Variants in CCSER1 observed in about 807,000 individuals in gnomAD.
CCSER1 encodes the protein serine-rich coiled-coil domain-containing protein 1.
CCSER1 carries 41 observed loss-of-function variants against 82.0 expected under a neutral mutation model. That is an observed-to-expected ratio of 0.50 (90% CI 0.39 to 0.65). CCSER1 has a LOEUF of 0.65. CCSER1 is among the 30% of genes least tolerant of loss of function. The pLI is 0.00. For synonymous variants in CCSER1, 414 were observed against 383.9 expected (o/e 1.08, Z -0.92); for missense variants, 1,119 against 1,064.2 (o/e 1.05, Z -0.72).
chr4:90,851,753 G>A (rs768855748), intron 8 of CCSER1, among the ~76,000 whole-genome samples: 1 of 151,978 alleles, frequency 6.6e-6, no homozygotes. Flanking sequence ...TTTAACTGTG[G>A]ACACTGTAAA....
At chr4:91,169,249 G>A (rs1033690306) in intron 10 of CCSER1, among the ~76,000 whole-genome samples, 40 of 147,524 alleles carry the variant, frequency 2.7e-4, no homozygotes, top group Admixed American at 1.4e-4. Context: ...GTTGTTGCTA[G>A]CCCAATCCAC....
intron 3 of CCSER1, among the ~76,000 whole-genome samples, chr4:90,384,871 A>C (rs774048183): frequency 1.3e-5 from 2 of 152,144 alleles, no homozygotes; most frequent in Non-Finnish European, 2.9e-5. Flanking sequence ...ATAATTCTTC[A>C]AATCTCACTC....
intron 3 of CCSER1, among the ~76,000 whole-genome samples, chr4:90,321,253 A>C (rs919459991): frequency 2.6e-5 from 4 of 152,006 alleles, no homozygotes; most frequent in Admixed American, 1.3e-4. Context: ...TCTATTCTGT[A>C]TTTCTGTGAC....
chr4:90,493,736 C>G (rs376418025), intron 5 of CCSER1, among the ~76,000 whole-genome samples: 98 of 147,766 alleles, frequency 6.6e-4, no homozygotes, highest in African/African-American at 1.0e-3. Context: ...GTCACCACCG[C>G]TCCTGCCCTA....
chr4:91,552,136 C>T (rs565888515), intron 10 of CCSER1, among the ~76,000 whole-genome samples: 4 of 149,808 alleles, frequency 2.7e-5, no homozygotes, highest in African/African-American at 9.8e-5. Context: ...CAAGTATGTG[C>T]TCAGATGGCT....
intron 10 of CCSER1, among the ~76,000 whole-genome samples, chr4:91,551,927 C>T (rs1033864311): frequency 6.6e-6 from 1 of 151,486 alleles, no homozygotes; most frequent in Non-Finnish European, 1.5e-5. Context: ...ATAACTTGAG[C>T]TTAAAGTAGA....
At chr4:91,495,723 C>T (rs373531398) in intron 10 of CCSER1, among the ~76,000 whole-genome samples, 25 of 151,212 alleles carry the variant, frequency 1.7e-4, no homozygotes, top group African/African-American at 3.9e-4. Flanking sequence ...TCAGGATGAA[C>T]GAAATGTAAA....
chr4:91,236,668 ACTCT>A (rs1739035685), intron 10 of CCSER1, among the ~76,000 whole-genome samples: 1 of 152,186 alleles, frequency 6.6e-6, no homozygotes, highest in South Asian at 2.1e-4. Context: ...ATTAAGACAT[ACTCT>A]CTAATTTTCT....
intron 10 of CCSER1, among the ~76,000 whole-genome samples, chr4:91,110,297 G>GA (rs75294307): frequency 0.32 from 48,605 of 151,634 alleles, 8,779 homozygotes; most frequent in East Asian, 0.5. Flanking sequence ...TCTTCACTAG[G>GA]AAAAAAATAA....
chr4:90,388,399 C>G (rs532574569), intron 3 of CCSER1, among the ~76,000 whole-genome samples: 1 of 149,758 alleles, frequency 6.7e-6, no homozygotes, highest in Non-Finnish European at 1.5e-5. Flanking sequence ...AACCTTTGCC[C>G]GCTGGGTTCA....
intron 7 of CCSER1, among the ~76,000 whole-genome samples, chr4:90,814,028 A>T (rs895861441): frequency 2.5e-4 from 38 of 152,166 alleles, no homozygotes; most frequent in Non-Finnish European, 1.3e-4. Flanking sequence ...GCATTTCCAT[A>T]CATTCTCTGA....
chr4:91,237,402 T>TTA (rs1360681303), intron 10 of CCSER1, among the ~76,000 whole-genome samples: 1 of 150,784 alleles, frequency 6.6e-6, no homozygotes, highest in Non-Finnish European at 1.5e-5. Context: ...TATATAAAGT[T>TTA]TATATATATT....
At chr4:91,529,773 AT>A (rs1267367466) in intron 10 of CCSER1, among the ~76,000 whole-genome samples, 12 of 152,054 alleles carry the variant, frequency 7.9e-5, no homozygotes, top group Admixed American at 1.3e-4. Context: ...AAGTTAATAG[AT>A]TTTTGTCTGT....
chr4:90,257,589 T>A (rs184552426), intron 1 of CCSER1, among the ~76,000 whole-genome samples: 4,930 of 149,068 alleles, frequency 0.033, 227 homozygotes, highest in East Asian at 0.23. Flanking sequence ...ACATAGATAC[T>A]TAGATAGATA....
intron 9 of CCSER1, among the ~76,000 whole-genome samples, chr4:91,049,517 C>T (rs995252239): frequency 5.3e-5 from 8 of 152,182 alleles, no homozygotes; most frequent in Admixed American, 4.6e-4. Flanking sequence ...TTTTCAAAAA[C>T]ACGTTTGGTG....
chr4:90,188,094 G>A (rs1363870743), intron 1 of CCSER1, among the ~76,000 whole-genome samples: 2 of 151,786 alleles, frequency 1.3e-5, no homozygotes, highest in Non-Finnish European at 2.9e-5. Context: ...CAAAAGAAAC[G>A]TGTTTAAACA....
At chr4:91,126,507 A>G (rs1727532269) in intron 10 of CCSER1, among the ~76,000 whole-genome samples, 1 of 151,958 alleles carries the variant, frequency 6.6e-6, no homozygotes, top group Admixed American at 6.6e-5. Flanking sequence ...TCTGCAGCTT[A>G]TTTATCATAA....
At chr4:90,430,525 A>G (rs1318975925) in intron 4 of CCSER1, among the ~76,000 whole-genome samples, 3 of 151,892 alleles carry the variant, frequency 2.0e-5, no homozygotes, top group South Asian at 4.1e-4. Flanking sequence ...AGCGAATTCT[A>G]ATTTTATTGA....
At chr4:90,331,451 G>T (rs1054207494) in intron 3 of CCSER1, among the ~76,000 whole-genome samples, 5 of 152,162 alleles carry the variant, frequency 3.3e-5, no homozygotes, top group Admixed American at 6.5e-5. Flanking sequence ...ACTTGTGGCA[G>T]CTGAGTTACA....
Sources: gnomAD v4.1 joint callset for allele counts (sites outside exome capture counted in the v4.1 genomes callset) on GRCh38, gnomAD v4.1.1 for gene constraint, MANE v1.5 for transcripts, NCBI Gene and HGNC (gene_info 2026-07-23, HGNC 2026-07-21) for gene names.